The following SMARCC1 variants were observed in gnomAD, a reference collection of about 807,000 sequenced individuals.
The protein encoded by SMARCC1 is SWI/SNF complex subunit SMARCC1.
In SMARCC1, 43 loss-of-function variants were observed where a neutral mutation model predicts 147.4. That is an observed-to-expected ratio of 0.29 (90% CI 0.23 to 0.38). The LOEUF is 0.38. Among genes scored for constraint, SMARCC1 ranks in the 10% least tolerant of loss-of-function variants. The pLI is 1.00. For missense variants in SMARCC1, 1,119 were observed against 1,381.1 expected (o/e 0.81, Z 3.01); for synonymous variants, 495 against 484.4 (o/e 1.02, Z -0.29).
At chr3:47,706,308 T>G in intron 10 of SMARCC1, 101 bp downstream of exon 10, 5 of 1,129,816 alleles carry the variant, frequency 4.4e-6, no homozygotes, top group Non-Finnish European at 5.9e-6. Context: ...CTGACCTCAG[T>G]TGATCTGCCC....
At chr3:47,665,197 G>C (rs1440895658) in intron 19 of SMARCC1, among the ~76,000 whole-genome samples, 1 of 152,106 alleles carries the variant, frequency 6.6e-6, no homozygotes, top group Non-Finnish European at 1.5e-5. Context: ...TGGAATGGTA[G>C]AGGACTTCTC....
intron 6 of SMARCC1, 145 bp from the exon 7 acceptor site, chr3:47,720,880 A>G (rs760408648): frequency 2.1e-4 from 145 of 674,690 alleles, no homozygotes; most frequent in Admixed American, 4.4e-4. Context: ...GGAAAGAAAA[A>G]GTTTTCAAAT....
At chr3:47,736,201 AC>A in intron 4 of SMARCC1, 75 bp from the exon 5 acceptor site, 1 of 783,354 alleles carries the variant, frequency 1.3e-6, no homozygotes, top group Non-Finnish European at 2.1e-6. Context: ...CAATATACAA[AC>A]CACCCCCAGA....
At chr3:47,685,578 A>G (rs1225221823) in intron 14 of SMARCC1, among the ~76,000 whole-genome samples, 1 of 151,308 alleles carries the variant, frequency 6.6e-6, no homozygotes, top group East Asian at 1.9e-4. Flanking sequence ...AAAAAATTCG[A>G]GCCAGGCGCG....
intron 25 of SMARCC1, among the ~76,000 whole-genome samples, chr3:47,613,439 A>G (rs1340258503): frequency 1.3e-5 from 2 of 148,892 alleles, no homozygotes; most frequent in Non-Finnish European, 3.0e-5. Context: ...GCTAGAGTGC[A>G]GTGGTCGCCT....
intron 17 of SMARCC1, 128 bp downstream of exon 17, chr3:47,676,501 C>G (rs1304721102): frequency 1.4e-6 from 1 of 704,030 alleles, no homozygotes; most frequent in Non-Finnish European, 2.3e-6. Flanking sequence ...AATACACACA[C>G]AAGCAAGGAT....
At chr3:47,772,549 G>A (rs928391712) in intron 2 of SMARCC1, among the ~76,000 whole-genome samples, 7 of 152,250 alleles carry the variant, frequency 4.6e-5, no homozygotes, top group Non-Finnish European at 2.9e-5. Flanking sequence ...GACTCGGTAC[G>A]GCGAGAGGAT....
At chr3:47,664,620 T>C (rs2033399201) in intron 19 of SMARCC1, among the ~76,000 whole-genome samples, 1 of 152,150 alleles carries the variant, frequency 6.6e-6, no homozygotes, top group Non-Finnish European at 1.5e-5. Flanking sequence ...AGGAATTAAT[T>C]GGATAAAAAG....
chr3:47,632,285 G>A (rs997737405), intron 24 of SMARCC1, among the ~76,000 whole-genome samples: 1 of 151,954 alleles, frequency 6.6e-6, no homozygotes, highest in East Asian at 1.9e-4. Flanking sequence ...CATCATGAAG[G>A]ATTTGTGAAA....
chr3:47,704,969 G>A (rs1361506118), intron 10 of SMARCC1, among the ~76,000 whole-genome samples: 2 of 148,744 alleles, frequency 1.3e-5, no homozygotes, highest in African/African-American at 2.5e-5. Context: ...GGCCAGGCAC[G>A]GTGGCTCATG....
intron 2 of SMARCC1, among the ~76,000 whole-genome samples, chr3:47,752,987 A>G (rs1467795294): frequency 6.6e-6 from 1 of 152,170 alleles, no homozygotes; most frequent in East Asian, 1.9e-4. Context: ...TCCTGGGTAT[A>G]TATAAGTGGT....
intron 19 of SMARCC1, among the ~76,000 whole-genome samples, chr3:47,667,462 T>C (rs2033436810): frequency 2.0e-5 from 3 of 152,258 alleles, no homozygotes; most frequent in Non-Finnish European, 4.4e-5. Flanking sequence ...AAAGCATACA[T>C]GACAAACACT....
intron 19 of SMARCC1, among the ~76,000 whole-genome samples, chr3:47,665,453 C>A (rs1363953240): frequency 6.6e-6 from 1 of 152,050 alleles, no homozygotes; most frequent in African/African-American, 2.4e-5. Flanking sequence ...TCTATCATGC[C>A]CTTTTCCAAT....
At chr3:47,775,925 A>G (rs1427437488) in intron 1 of SMARCC1, among the ~76,000 whole-genome samples, 4 of 152,044 alleles carry the variant, frequency 2.6e-5, no homozygotes, top group Non-Finnish European at 4.4e-5. Flanking sequence ...AGGTGGACAG[A>G]TCACTTGAGG....
intron 21 of SMARCC1, among the ~76,000 whole-genome samples, chr3:47,643,553 A>T (rs566431479): frequency 3.9e-5 from 6 of 152,368 alleles, no homozygotes; most frequent in Non-Finnish European, 8.8e-5. Context: ...AAGTCTCAGA[A>T]GTCTGACACG....
chr3:47,666,427 T>C (rs998714906), intron 19 of SMARCC1, among the ~76,000 whole-genome samples: 5 of 148,234 alleles, frequency 3.4e-5, no homozygotes, highest in South Asian at 2.1e-4. Flanking sequence ...AAGGTACAGA[T>C]TGTGTTCTAC....
chr3:47,629,499 G>T (rs2032859435), intron 24 of SMARCC1, among the ~76,000 whole-genome samples: 1 of 152,210 alleles, frequency 6.6e-6, no homozygotes, highest in African/African-American at 2.4e-5. Context: ...CATTTGACCA[G>T]TAGAGTAGGG....
At chr3:47,732,787 T>C (rs989189414) in intron 5 of SMARCC1, among the ~76,000 whole-genome samples, 5 of 152,054 alleles carry the variant, frequency 3.3e-5, no homozygotes, top group African/African-American at 1.2e-4. Flanking sequence ...ATAGCACCTA[T>C]CACAGATCAC....
intron 11 of SMARCC1, among the ~76,000 whole-genome samples, chr3:47,700,518 GTTTT>G (rs1327974853): frequency 6.6e-6 from 1 of 151,956 alleles, no homozygotes; most frequent in African/African-American, 2.4e-5. Flanking sequence ...GTTGTTTTTT[GTTTT>G]TTGTTTTTGT....
Sources: gnomAD v4.1 joint callset for allele counts (sites outside exome capture counted in the v4.1 genomes callset) on GRCh38, gnomAD v4.1.1 for gene constraint, MANE v1.5 for transcripts, NCBI Gene and HGNC (gene_info 2026-07-23, HGNC 2026-07-21) for gene names.